RP1L1: variants seen among roughly 807,000 people sequenced by gnomAD.
The protein encoded by RP1L1 is RP1 like 1, also known as retinitis pigmentosa 1-like 1 protein.
Under a neutral mutation model 15.7 loss-of-function variants are expected in RP1L1, and 27 were observed. The ratio of observed to expected loss-of-function variants is 1.72; its 90% confidence interval spans 1.27 to 2.38. The LOEUF (loss-of-function observed/expected upper bound fraction) is 2.38, where lower values mean the gene tolerates loss of function less well. Ranked by LOEUF, RP1L1 falls within the 30% of genes most tolerant of loss-of-function variation. The pLI, the probability that RP1L1 is intolerant of heterozygous loss-of-function variation, is 0.00. For missense variants in RP1L1, 4,798 were observed against 3,075.9 expected, an observed-to-expected ratio of 1.56 and a Z score of -13.24; for synonymous variants, 1,813 against 1,276.7, an observed-to-expected ratio of 1.42 and a Z score of -8.96.
chr8:10,641,176 A>G (rs1440441832), intron 1 of RP1L1, among the ~76,000 whole-genome samples: 1 of 152,202 alleles, frequency 6.6e-6, no homozygotes, highest in African/African-American at 2.4e-5. Context: ...TGTTCTTTGC[A>G]TGTTTTCTTG....
In RP1L1 at chr8:10,607,134, C is replaced by A; in HGVS notation, c.6964G>T (p.Asp2322Tyr). ...GACTTGGCATCAGGGCTCCTTGTGT[C>A]TCCAAGTACATGGTCATTTTCTGAG... ...KDSENDHVLG[D>Y]TRSPDAKSTG... The change falls in exon 4 of 4, where the codon GAC (aspartate) becomes TAC (tyrosine). Residue 2322 changes from aspartate to tyrosine, a missense_variant. Coordinates refer to ENST00000382483, the MANE Select transcript of RP1L1 (RefSeq NM_178857.6). The A allele has an allele frequency of 6.2e-7, 1 of 1,614,226 alleles. No homozygotes were observed.
At chr8:10,622,443 T>A in intron 2 of RP1L1, 150 bp downstream of exon 2, 1 of 997,720 alleles carries the variant, frequency 1.0e-6, no homozygotes, top group Non-Finnish European at 1.6e-6. Flanking sequence ...TTTATTGACT[T>A]GACTGAGTGT....
chr8:10,625,392 G>A (rs1303703907), intron 1 of RP1L1, among the ~76,000 whole-genome samples: 3 of 151,820 alleles, frequency 2.0e-5, no homozygotes, highest in Non-Finnish European at 4.4e-5. Context: ...GGGATGCGAG[G>A]AAATGCTGGG....
In RP1L1 at chr8:10,610,238, G is replaced by C. The variant is rs376481667; in HGVS notation, c.3860C>G (p.Ser1287Trp). ...ERDSEEQRAS[S>W]NLEQLAENTV... ...GTTTTCAGCTAACTGCTCCAGGTTCGAGCTCGCCCTCTGCTCCTCACTGTC... is the reference window on the plus strand; with the variant it reads ...GTTTTCAGCTAACTGCTCCAGGTTCCAGCTCGCCCTCTGCTCCTCACTGTC... Residue 1287 changes from serine (S) to tryptophan (W), a missense_variant, in exon 4 of 4, where the codon TCG (serine) becomes TGG (tryptophan). Ser to Trp is a radical substitution (Grantham distance 177, BLOSUM62 -3). Coordinates refer to ENST00000382483, the MANE Select transcript of RP1L1 (RefSeq NM_178857.6). The C allele has an allele frequency of 1.2e-6, 2 of 1,612,676 alleles. No individual in the cohort carries two copies. The highest frequency in any genetic ancestry group is 1.3e-5 in the African/African-American group (1 of 74,376).
Position 10,607,783 on chromosome 8 carries a change from C to A in RP1L1, c.6315G>T (p.Glu2105Asp), listed in dbSNP as rs1482827329. Residue 2105 changes from glutamate to aspartate, a missense_variant, in exon 4 of 4, where the codon GAG becomes GAT. Transcript: ENST00000382483. ...QPESEGVEAP[E>D]AEGEAQKAEG... ...CTGCCTTCTGGGCCTCCCCTTCTGCCTCTGGGGCCTCTACACCTTCTGATT... is the reference window on the plus strand; with the variant it reads ...CTGCCTTCTGGGCCTCCCCTTCTGCATCTGGGGCCTCTACACCTTCTGATT... The A allele has an allele frequency of 5.0e-6, 8 of 1,610,490 alleles. No individual in the cohort carries two copies. Among genetic ancestry groups the A allele is most frequent in the Non-Finnish European group, 5.9e-6 (7 of 1,178,164 alleles).
At chr8:10,648,119 C>A (rs1255357891) in intron 1 of RP1L1, among the ~76,000 whole-genome samples, 1 of 152,022 alleles carries the variant, frequency 6.6e-6, no homozygotes, top group Non-Finnish European at 1.5e-5. Flanking sequence ...GCAACCTCCA[C>A]CTCTTGGGTT....
chr8:10,615,762 G>C (rs1236866869), intron 3 of RP1L1, among the ~76,000 whole-genome samples: 1 of 151,942 alleles, frequency 6.6e-6, no homozygotes, highest in Non-Finnish European at 1.5e-5. Context: ...GGCTTGTCTT[G>C]AACTCCTGGG....
At chr8:10,652,699 C>T (rs891449376) in intron 1 of RP1L1, among the ~76,000 whole-genome samples, 2 of 152,088 alleles carry the variant, frequency 1.3e-5, no homozygotes, top group African/African-American at 4.8e-5. Context: ...AAGTAGCCCA[C>T]ATCTGAACAC....
At chr8:10,645,758 G>A (rs1334405024) in intron 1 of RP1L1, among the ~76,000 whole-genome samples, 2 of 152,146 alleles carry the variant, frequency 1.3e-5, no homozygotes, top group Non-Finnish European at 2.9e-5. Context: ...TGGCACCAGT[G>A]CAAGCGAGTC....
chr8:10,625,901 C>T (rs563131613), intron 1 of RP1L1, among the ~76,000 whole-genome samples: 1 of 151,768 alleles, frequency 6.6e-6, no homozygotes, highest in East Asian at 1.9e-4. Context: ...AGGTGGGGGG[C>T]AGGCAGCGAG....
rs776563038 is a variant in RP1L1 at position 10,622,718 on chromosome 8, G to C, written c.484C>G (p.Pro162Ala). Reference sequence around the variant, plus strand: ...AGAACCACTGTCTGCTGGAGGCGAGGGTCCATGTTCTTAATCAGCAGTATC... The same window carrying C: ...AGAACCACTGTCTGCTGGAGGCGAGCGTCCATGTTCTTAATCAGCAGTATC... ...RRILLIKNMD[P>A]RLQQTVVLSH... Residue 162 changes from proline to alanine, a missense_variant, in exon 2 of 4, where the codon CCT becomes GCT. Physicochemically the swap from Pro to Ala is conservative, Grantham distance 27. Coordinates refer to ENST00000382483, the MANE Select transcript of RP1L1 (RefSeq NM_178857.6). 3 of 1,614,130 alleles carry C rather than the reference G, an allele frequency of 1.9e-6. No homozygotes were observed. The highest frequency in any genetic ancestry group is 2.5e-6 in the Non-Finnish European group (3 of 1,180,038).
At chr8:10,639,768 T>A (rs965839190) in intron 1 of RP1L1, among the ~76,000 whole-genome samples, 7 of 152,160 alleles carry the variant, frequency 4.6e-5, no homozygotes, top group African/African-American at 1.4e-4. Flanking sequence ...GAACCGTACA[T>A]AGACTACCTT....
chr8:10,622,870 T>C lies in RP1L1; in HGVS notation c.332A>G (p.Lys111Arg), dbSNP rs1798088056. 3.7e-6 allele frequency: 6 copies of C among 1,613,320 alleles called. No individual in the cohort carries two copies. The highest frequency in any genetic ancestry group is 5.1e-6 in the Non-Finnish European group (6 of 1,179,500). Residue 111 changes from lysine (K) to arginine (R), a missense_variant, in exon 2 of 4, where the codon AAG becomes AGG. By Grantham distance (26) the Lys-to-Arg change is conservative. Coordinates refer to ENST00000382483, the MANE Select transcript of RP1L1 (RefSeq NM_178857.6). ...CYLCSDKKPP[K>R]TPSGPGRPQE... ...TGGCCGGCCTGGTCCACTGGGGGTC[T>C]TGGGGGGCTTCTTATCAGAGCAGAG... is the stretch of plus-strand genomic sequence containing the variant.
rs1563135198 is a variant in RP1L1 at position 10,631,285 on chromosome 8, ACACGCACACAAACACG to A, written c.-19-8081_-19-8066del. ...CACGCACACAAACACGCATGCACAC[ACACGCACACAAACACG>A]CATGCACACACACGCACACACGCAC... On this transcript the variant is annotated intron_variant, in intron 1 of 3. Coordinates refer to ENST00000382483, the MANE Select transcript of RP1L1 (RefSeq NM_178857.6). Among the ~76,000 whole-genome samples the A allele has an allele frequency of 9.6e-4, 145 of 150,934 alleles. 3 individuals carry two copies. The highest frequency in any genetic ancestry group is 3.0e-3 in the African/African-American group (125 of 41,060).
intron 1 of RP1L1, among the ~76,000 whole-genome samples, chr8:10,653,894 A>G (rs1798600523): frequency 6.6e-6 from 1 of 152,168 alleles, no homozygotes; most frequent in African/African-American, 2.4e-5. Context: ...CCCCCAGGGA[A>G]GGAGTCCTGG....
At chr8:10,628,299 C>A (rs940711896) in intron 1 of RP1L1, among the ~76,000 whole-genome samples, 4 of 152,142 alleles carry the variant, frequency 2.6e-5, no homozygotes, top group African/African-American at 7.2e-5. Flanking sequence ...TGAGAAATTA[C>A]CAAAGGCGTT....
intron 1 of RP1L1, among the ~76,000 whole-genome samples, chr8:10,642,045 G>A (rs947267619): frequency 4.6e-5 from 7 of 152,266 alleles, no homozygotes; most frequent in African/African-American, 1.7e-4. Flanking sequence ...TCTTGGTGGT[G>A]ATATTGTACT....
In RP1L1 at chr8:10,622,906, C is replaced by G. The variant is rs1798089688; in HGVS notation, c.296G>C (p.Gly99Ala). 2 of 1,613,954 alleles carry G rather than the reference C, an allele frequency of 1.2e-6. No individual in the cohort carries two copies. The highest frequency in any genetic ancestry group is 1.3e-5 in the African/African-American group (1 of 75,024). Residue 99 changes from glycine (G) to alanine (A), a missense_variant, in exon 2 of 4, where the codon GGA becomes GCA. Coordinates refer to ENST00000382483, the MANE Select transcript of RP1L1 (RefSeq NM_178857.6). ...CTTATCAGAGCAGAGGTAGCAGCCTCCATCTTCCAGCTGCTCCAGGGCGCT... is the reference window on the plus strand; with the variant it reads ...CTTATCAGAGCAGAGGTAGCAGCCTGCATCTTCCAGCTGCTCCAGGGCGCT... ...SLSALEQLED[G>A]GCYLCSDKKP...
chr8:10,610,836 C>A lies in RP1L1; in HGVS notation c.3262G>T (p.Ala1088Ser). 1 of 1,607,214 alleles carries A rather than the reference C, an allele frequency of 6.2e-7. No homozygotes were observed. The highest frequency in any genetic ancestry group is 8.5e-7 in the Non-Finnish European group (1 of 1,175,938). ...CGGCCCTGCTTGGAGCCCATCAGCG[C>A]CCTCATGATCTGCGTGGAGGCAGAC... ...RVSASTQIMRALMGSKQGRPS... is the reference protein window; with the variant it reads ...RVSASTQIMRSLMGSKQGRPS... The change falls in exon 4 of 4, where the codon GCG becomes TCG. Residue 1088 changes from alanine to serine, a missense_variant. By Grantham distance (99) the Ala-to-Ser change is moderately conservative. Transcript: ENST00000382483.
Sources: gnomAD v4.1 joint callset for allele counts (sites outside exome capture counted in the v4.1 genomes callset) on GRCh38, gnomAD v4.1.1 for gene constraint, MANE v1.5 for transcripts, NCBI Gene and HGNC (gene_info 2026-07-23, HGNC 2026-07-21) for gene names.